Variants in SRPK2 observed in about 807,000 individuals in gnomAD.
SRPK2 encodes the protein SFRS protein kinase 2.
A neutral mutation model predicts 90.8 loss-of-function variants in SRPK2; 21 were observed. That is an observed-to-expected ratio of 0.23 (90% CI 0.16 to 0.33). SRPK2 has a LOEUF of 0.33. Among genes scored for constraint, SRPK2 ranks in the 10% least tolerant of loss-of-function variants. The pLI, the probability that SRPK2 is intolerant of heterozygous loss-of-function variation, is 1.00. For missense variants in SRPK2, 620 were observed against 869.0 expected, an observed-to-expected ratio of 0.71 and a Z score of 3.60; for synonymous variants, 288 against 311.1, an observed-to-expected ratio of 0.93 and a Z score of 0.78.
chr7:105,239,353 CCTATT>C (rs1369688143), intron 2 of SRPK2, among the ~76,000 whole-genome samples: 3 of 152,184 alleles, frequency 2.0e-5, no homozygotes, highest in Non-Finnish European at 2.9e-5. Context: ...TTCCTTCCTT[CCTATT>C]AAGTCAGAAA....
At chr7:105,340,399 CTTTTTT>C (rs781142110) in intron 2 of SRPK2, among the ~76,000 whole-genome samples, 2 of 128,314 alleles carry the variant, frequency 1.6e-5, no homozygotes, top group African/African-American at 5.7e-5. Flanking sequence ...CTTTTCTCTC[CTTTTTT>C]TTTTTTTTTT....
chr7:105,243,148 C>T (rs568131968), intron 2 of SRPK2, among the ~76,000 whole-genome samples: 5 of 152,172 alleles, frequency 3.3e-5, no homozygotes, highest in South Asian at 2.1e-4. Context: ...ACTCCAGGCC[C>T]GCTACCATCC....
chr7:105,352,686 G>A (rs943960397), intron 2 of SRPK2, among the ~76,000 whole-genome samples: 7 of 152,308 alleles, frequency 4.6e-5, no homozygotes, highest in African/African-American at 1.7e-4. Flanking sequence ...GATTACTTGA[G>A]GTCAGGGTAT....
chr7:105,167,812 T>C (rs1368414309), intron 5 of SRPK2, among the ~76,000 whole-genome samples, 196 bp downstream of exon 5: 3 of 152,096 alleles, frequency 2.0e-5, no homozygotes, highest in African/African-American at 4.8e-5. Context: ...GGTTTCACCG[T>C]GTTTGCCAGG....
chr7:105,362,940 G>A (rs1340973817), intron 2 of SRPK2, among the ~76,000 whole-genome samples: 1 of 151,998 alleles, frequency 6.6e-6, no homozygotes, highest in Non-Finnish European at 1.5e-5. Flanking sequence ...CTATCGCATG[G>A]ACAGAAAACC....
At chr7:105,388,433 C>G (rs916696485) in intron 2 of SRPK2, among the ~76,000 whole-genome samples, 4 of 147,992 alleles carry the variant, frequency 2.7e-5, no homozygotes, top group Admixed American at 2.0e-4. Context: ...GTCGAGGCTC[C>G]GTGATGCTAG....
chr7:105,177,286 T>C (rs981576149), intron 3 of SRPK2, among the ~76,000 whole-genome samples: 2 of 152,176 alleles, frequency 1.3e-5, no homozygotes, highest in Non-Finnish European at 2.9e-5. Context: ...ACCACTTTTC[T>C]TCACTGAAAA....
At chr7:105,362,665 A>G (rs187980458) in intron 2 of SRPK2, among the ~76,000 whole-genome samples, 58 of 152,300 alleles carry the variant, frequency 3.8e-4, no homozygotes, top group Non-Finnish European at 7.3e-4. Context: ...AGAAATAGAA[A>G]TACCATTTCA....
intron 2 of SRPK2, among the ~76,000 whole-genome samples, chr7:105,319,354 G>T (rs528104180): frequency 6.6e-6 from 1 of 152,004 alleles, no homozygotes; most frequent in Non-Finnish European, 1.5e-5. Flanking sequence ...TTATGGTTTT[G>T]TGAATTTTTT....
chr7:105,388,828 CGGGGGGCTTCGCGACGGCGACGCG>C lies in SRPK2; in HGVS notation c.-46_-23del. ...TCATTCCGACGCGGCGGAAGCGGGG[CGGGGGGCTTCGCGACGGCGACGCG>C]GGCGCCGAGACGAGCTGGGCTGCAG... On this transcript the variant is annotated 5_prime_UTR_variant, in exon 1 of 16. Coordinates refer to ENST00000393651, the MANE Select transcript of SRPK2 (RefSeq NM_182692.3). The C allele has an allele frequency of 7.4e-7, 1 of 1,347,172 alleles. No homozygotes were observed. The highest frequency in any genetic ancestry group is 9.5e-7 in the Non-Finnish European group (1 of 1,054,888). The allele number at this position is 1,347,172 out of a possible 1,614,324, so 83.5% of individuals were successfully genotyped here.
chr7:105,206,076 C>T (rs1041864100), intron 2 of SRPK2: 9 of 506,502 alleles, frequency 1.8e-5, no homozygotes, highest in African/African-American at 1.5e-4. Flanking sequence ...GTGGGGCTGT[C>T]GTGTGCACTG....
At chr7:105,268,392 G>C (rs1238359916) in intron 2 of SRPK2, among the ~76,000 whole-genome samples, 2 of 152,132 alleles carry the variant, frequency 1.3e-5, no homozygotes, top group Non-Finnish European at 2.9e-5. Flanking sequence ...CCAAAATCAA[G>C]TATTTTTAAC....
intron 2 of SRPK2, among the ~76,000 whole-genome samples, chr7:105,263,026 T>TC (rs1804529918): frequency 7.2e-5 from 11 of 152,146 alleles, no homozygotes; most frequent in Middle Eastern, 6.8e-3. Context: ...AAAAGACATG[T>TC]ATGGAAATGC....
intron 7 of SRPK2, among the ~76,000 whole-genome samples, chr7:105,147,004 C>T (rs1804726654): frequency 6.6e-6 from 1 of 152,212 alleles, no homozygotes; most frequent in Non-Finnish European, 1.5e-5. Context: ...AACCCCTCAG[C>T]CTACTCAACG....
intron 2 of SRPK2, among the ~76,000 whole-genome samples, chr7:105,217,175 A>T (rs1344045848): frequency 2.0e-5 from 3 of 152,150 alleles, no homozygotes; most frequent in Non-Finnish European, 4.4e-5. Flanking sequence ...CGATCCCACC[A>T]CCTAACAACC....
intron 6 of SRPK2, among the ~76,000 whole-genome samples, chr7:105,166,099 C>G (rs2129585111): frequency 6.6e-6 from 1 of 152,282 alleles, no homozygotes; most frequent in South Asian, 2.1e-4. Context: ...ATGAGAAACA[C>G]CTACACTTAT....
intron 2 of SRPK2, among the ~76,000 whole-genome samples, chr7:105,383,496 C>A (rs1319199444): frequency 6.6e-6 from 1 of 151,810 alleles, no homozygotes; most frequent in Non-Finnish European, 1.5e-5. Context: ...TCTCGGCTCA[C>A]CACAACCTCC....
At chr7:105,158,802 G>A (rs955668272) in intron 7 of SRPK2, among the ~76,000 whole-genome samples, 7 of 142,372 alleles carry the variant, frequency 4.9e-5, no homozygotes, top group African/African-American at 7.8e-5. Context: ...ATTTTTTTGT[G>A]TTTTTTTGTG....
chr7:105,338,856 A>G (rs1815422093), intron 2 of SRPK2, among the ~76,000 whole-genome samples: 1 of 152,176 alleles, frequency 6.6e-6, no homozygotes, highest in Admixed American at 6.5e-5. Flanking sequence ...GATTTTTCAA[A>G]AAGATAATAC....
Sources: allele counts gnomAD v4.1 joint callset (sites outside exome capture counted in the v4.1 genomes callset), GRCh38; gene constraint gnomAD v4.1.1; transcripts MANE v1.5; gene names NCBI Gene and HGNC (gene_info 2026-07-23, HGNC 2026-07-21).